The following DLC1 variants were observed in gnomAD, a reference collection of about 807,000 sequenced individuals.
DLC1 encodes rho GTPase-activating protein 7.
In DLC1, 54 loss-of-function variants were observed where a neutral mutation model predicts 140.3. The ratio of observed to expected loss-of-function variants is 0.38; its 90% confidence interval spans 0.31 to 0.48. The LOEUF (loss-of-function observed/expected upper bound fraction) is 0.48, where lower values mean the gene tolerates loss of function less well. Ranked by LOEUF, DLC1 falls within the 20% of genes least tolerant of loss-of-function variation. The pLI is 0.96. For synonymous variants in DLC1, 986 were observed against 728.1 expected (o/e 1.35, Z -5.70); for missense variants, 2,536 against 1,907.0 (o/e 1.33, Z -6.14).
intron 5 of DLC1, among the ~76,000 whole-genome samples, chr8:13,179,253 G>A (rs1036214254): frequency 1.1e-4 from 17 of 151,814 alleles, no homozygotes; most frequent in African/African-American, 2.7e-4. Flanking sequence ...GTGGGAGGTA[G>A]TGGTAGTGAC....
At chr8:13,261,369 G>T (rs557457718) in intron 5 of DLC1, among the ~76,000 whole-genome samples, 1 of 147,374 alleles carries the variant, frequency 6.8e-6, no homozygotes, top group South Asian at 2.2e-4. Flanking sequence ...AAGGATAGAA[G>T]AAGGTGAAGT....
chr8:13,382,526 A>AAAAAAAAAG, intron 4 of DLC1, among the ~76,000 whole-genome samples: 1 of 135,528 alleles, frequency 7.4e-6, no homozygotes, highest in South Asian at 2.3e-4. Context: ...AAAAAAAAAA[A>AAAAAAAAAG]AAAAAAGAAA....
At chr8:13,392,377 A>G (rs912897933) in intron 4 of DLC1, among the ~76,000 whole-genome samples, 7 of 152,210 alleles carry the variant, frequency 4.6e-5, no homozygotes, top group East Asian at 3.8e-4. Flanking sequence ...TGTTTTAGAT[A>G]TAAATAACAC....
chr8:13,349,291 T>C (rs1333066477), intron 4 of DLC1, among the ~76,000 whole-genome samples: 1 of 152,048 alleles, frequency 6.6e-6, no homozygotes, highest in African/African-American at 2.4e-5. Context: ...AGGGTATGGC[T>C]TTAGATGTAA....
At chr8:13,420,295 C>G (rs1428155150) in intron 2 of DLC1, among the ~76,000 whole-genome samples, 1 of 151,974 alleles carries the variant, frequency 6.6e-6, no homozygotes, top group South Asian at 2.1e-4. Flanking sequence ...CAAGGATTTT[C>G]TTATGTCCTC....
intron 5 of DLC1, among the ~76,000 whole-genome samples, chr8:13,201,334 A>G (rs1164900546): frequency 6.6e-6 from 1 of 152,226 alleles, no homozygotes; most frequent in African/African-American, 2.4e-5. Flanking sequence ...AATAATAAAA[A>G]TTAAAATATT....
At chr8:13,424,416 G>C (rs1005133105) in intron 2 of DLC1, among the ~76,000 whole-genome samples, 2 of 152,008 alleles carry the variant, frequency 1.3e-5, no homozygotes, top group African/African-American at 4.8e-5. Context: ...TTGAACCCTG[G>C]AGGCAGAGGT....
chr8:13,453,039 C>A (rs1022174994), intron 2 of DLC1, among the ~76,000 whole-genome samples: 8 of 151,688 alleles, frequency 5.3e-5, no homozygotes, highest in Non-Finnish European at 8.8e-5. Context: ...CTCACAAAAC[C>A]CTATCAGGCA....
chr8:13,133,174 G>C (rs987715340), intron 5 of DLC1: 2 of 1,436,034 alleles, frequency 1.4e-6, no homozygotes, highest in East Asian at 2.5e-5. Flanking sequence ...ATCGAAACGA[G>C]GGAGCGCTCA....
intron 1 of DLC1, among the ~76,000 whole-genome samples, chr8:13,571,220 C>G (rs964205653): frequency 2.0e-5 from 3 of 152,028 alleles, no homozygotes; most frequent in Non-Finnish European, 2.9e-5. Flanking sequence ...GGGGTAAAAT[C>G]TACATAACAG....
chr8:13,394,247 GT>G (rs1446144543), intron 3 of DLC1, among the ~76,000 whole-genome samples: 1 of 152,190 alleles, frequency 6.6e-6, no homozygotes, highest in African/African-American at 2.4e-5. Flanking sequence ...CAGGAATTAT[GT>G]CTTGTTATGT....
intron 1 of DLC1, among the ~76,000 whole-genome samples, chr8:13,569,865 G>C (rs1453438118): frequency 6.6e-6 from 1 of 152,098 alleles, no homozygotes; most frequent in Admixed American, 6.6e-5. Context: ...GGGACTACAG[G>C]TGCGTGCCGC....
chr8:13,319,130 G>A (rs1027627510), intron 4 of DLC1, among the ~76,000 whole-genome samples: 4 of 152,140 alleles, frequency 2.6e-5, no homozygotes, highest in African/African-American at 7.2e-5. Context: ...AGACTCAAAC[G>A]TAATTGGTTC....
At chr8:13,108,787 A>T (rs1020140825) in intron 7 of DLC1, among the ~76,000 whole-genome samples, 4 of 152,240 alleles carry the variant, frequency 2.6e-5, no homozygotes, top group Admixed American at 6.5e-5. Flanking sequence ...GATTGAAAAC[A>T]GATTAATTCT....
chr8:13,379,674 A>T (rs998819151), intron 4 of DLC1, among the ~76,000 whole-genome samples: 2 of 152,140 alleles, frequency 1.3e-5, no homozygotes, highest in African/African-American at 4.8e-5. Context: ...TCTGGGGTAC[A>T]TGTGCAGAAC....
chr8:13,294,393 T>C (rs1170199151), intron 5 of DLC1, among the ~76,000 whole-genome samples: 2 of 151,316 alleles, frequency 1.3e-5, no homozygotes, highest in Admixed American at 1.3e-4. Flanking sequence ...AATGATCAAG[T>C]ACAAAAACGA....
chr8:13,565,145 C>G (rs1045573652), intron 1 of DLC1, among the ~76,000 whole-genome samples: 3 of 152,154 alleles, frequency 2.0e-5, no homozygotes, highest in African/African-American at 7.2e-5. Flanking sequence ...TCCACTGGGT[C>G]ACGCTGAATA....
In DLC1 at chr8:13,169,109, T is replaced by C. The variant is rs1399015208; in HGVS notation, c.1349-53452A>G. Among the ~76,000 whole-genome samples the C allele has an allele frequency of 2.6e-5, 4 of 152,238 alleles. No individual in the cohort carries two copies. The East Asian group carries it at 5.8e-4, about 22-fold the overall frequency. On this transcript the variant is annotated intron_variant, in intron 5 of 17. Transcript: ENST00000276297. ...TTATGGATCAGAAGGAAATGTGATA[T>C]ATAGTACTTGGAAATTTGGGGGCTT...
intron 5 of DLC1, among the ~76,000 whole-genome samples, chr8:13,293,185 G>A (rs1831827819): frequency 6.6e-6 from 1 of 152,208 alleles, no homozygotes; most frequent in Non-Finnish European, 1.5e-5. Flanking sequence ...AGACATGATT[G>A]CACTACTGCA....
Sources: gnomAD v4.1 joint callset for allele counts (sites outside exome capture counted in the v4.1 genomes callset) on GRCh38, gnomAD v4.1.1 for gene constraint, MANE v1.5 for transcripts, NCBI Gene and HGNC (gene_info 2026-07-23, HGNC 2026-07-21) for gene names.